The following REEP1 variants were observed in gnomAD, a reference collection of about 807,000 sequenced individuals.
REEP1 encodes receptor expression-enhancing protein 1.
A neutral mutation model predicts 40.3 loss-of-function variants in REEP1; 22 were observed. That is an observed-to-expected ratio of 0.55 (90% CI 0.39 to 0.78). The LOEUF is 0.78. Among genes scored for constraint, REEP1 ranks in the 30% least tolerant of loss-of-function variants. REEP1 has a pLI of 0.00. For missense variants in REEP1, 280 were observed against 361.1 expected (o/e 0.78, Z 1.82); for synonymous variants, 116 against 139.2 (o/e 0.83, Z 1.17).
At chr2:86,217,717 T>C (rs1240797465) in intron 8 of REEP1, among the ~76,000 whole-genome samples, 1 of 147,958 alleles carries the variant, frequency 6.8e-6, no homozygotes, top group East Asian at 2.2e-4. Context: ...TACATTCCAA[T>C]TGAGCACCCC....
chr2:86,221,696 T>C lies in REEP1; in HGVS notation c.632-1575A>G, dbSNP rs1480326083. Among the ~76,000 whole-genome samples, 7 of 152,226 alleles carry C rather than the reference T, an allele frequency of 4.6e-5. No individual in the cohort carries two copies. The East Asian group carries it at 1.4e-3, about 30-fold the overall frequency. On this transcript the variant is annotated intron_variant, in intron 7 of 8. Transcript: ENST00000538924. Reference sequence around the variant, plus strand: ...GGGGCCATGGCTGATCCTCCCTCAGTCTCTCTGAGCACCTGACCCAGGGCT... The same window carrying C: ...GGGGCCATGGCTGATCCTCCCTCAGCCTCTCTGAGCACCTGACCCAGGGCT...
chr2:86,262,894 G>A (rs914864984), intron 3 of REEP1, among the ~76,000 whole-genome samples: 7 of 152,158 alleles, frequency 4.6e-5, no homozygotes, highest in Admixed American at 6.5e-5. Flanking sequence ...AGCTTCTTTC[G>A]CCTAAGAAGG....
intron 1 of REEP1, among the ~76,000 whole-genome samples, chr2:86,313,959 C>T (rs1230325114): frequency 6.6e-6 from 1 of 152,238 alleles, no homozygotes; most frequent in Non-Finnish European, 1.5e-5. Flanking sequence ...TAAAACACCA[C>T]AAGCTAAACA....
intron 1 of REEP1, among the ~76,000 whole-genome samples, chr2:86,314,929 G>C (rs556228927): frequency 6.6e-6 from 1 of 151,876 alleles, no homozygotes; most frequent in Non-Finnish European, 1.5e-5. Flanking sequence ...CTGAACTCAA[G>C]CTATCCACTC....
At chr2:86,239,602 C>T (rs949512732) in intron 5 of REEP1, among the ~76,000 whole-genome samples, 6 of 152,282 alleles carry the variant, frequency 3.9e-5, no homozygotes, top group East Asian at 1.9e-4. Flanking sequence ...GCCATACATG[C>T]GCCACATCCA....
At chr2:86,220,718 T>G (rs976686888) in intron 7 of REEP1, among the ~76,000 whole-genome samples, 22 of 139,184 alleles carry the variant, frequency 1.6e-4, no homozygotes, top group Non-Finnish European at 3.1e-4. Context: ...TTTTTTTTTT[T>G]GCGAAGGCCC....
chr2:86,258,557 C>T (rs1676691521), intron 3 of REEP1, among the ~76,000 whole-genome samples: 1 of 152,122 alleles, frequency 6.6e-6, no homozygotes, highest in South Asian at 2.1e-4. Flanking sequence ...GTCCTGCTGC[C>T]TCTGGAATCA....
chr2:86,278,579 AT>A (rs975864323), intron 2 of REEP1, among the ~76,000 whole-genome samples: 1 of 152,012 alleles, frequency 6.6e-6, no homozygotes, highest in African/African-American at 2.4e-5. Flanking sequence ...TGTATTGGTT[AT>A]TTTTTTTCCA....
At chr2:86,240,598 G>A (rs773304773) in intron 5 of REEP1, among the ~76,000 whole-genome samples, 1 of 152,220 alleles carries the variant, frequency 6.6e-6, no homozygotes, top group Non-Finnish European at 1.5e-5. Context: ...CTGGGGAGAA[G>A]AGGCTTTGGT....
intron 1 of REEP1, among the ~76,000 whole-genome samples, chr2:86,306,185 A>G (rs1573020807): frequency 6.6e-6 from 1 of 152,186 alleles, no homozygotes; most frequent in Admixed American, 6.5e-5. Context: ...ACATCTTGCA[A>G]TCCAGCCCAT....
chr2:86,251,656 T>C, intron 5 of REEP1: 1 of 429,210 alleles, frequency 2.3e-6, no homozygotes. Context: ...AGAAATTCTA[T>C]TATTTTCTTG....
rs1269354088 is a variant in REEP1 at position 86,254,742 on chromosome 2, G to A, written c.255C>T (p.Ser85=). Residue 85 remains serine (S), a synonymous_variant, in exon 4 of 9, where the codon AGC becomes AGT. Transcript: ENST00000538924. ...WLLSPYTKGS[S]LLYRKFVHPT... ...GATGTACAAACTTCCTGTACAGGAG[G>A]CTGGAGCCTTTTGTGTAGGGAGACA... 4 of 1,613,758 alleles carry A rather than the reference G, an allele frequency of 2.5e-6. No individual in the cohort carries two copies. The highest frequency in any genetic ancestry group is 3.4e-6 in the Non-Finnish European group (4 of 1,179,610).
rs150366809 is a variant in REEP1 at position 86,263,391 on chromosome 2, G to A, written c.182+574C>T. Reference sequence around the variant, plus strand: ...ACTACAGGTGTGCACCACCATGCCCGGCTAATTATTTTTTTGTATTTTTTT... The same window carrying A: ...ACTACAGGTGTGCACCACCATGCCCAGCTAATTATTTTTTTGTATTTTTTT... On this transcript the variant is annotated intron_variant, in intron 3 of 8. Transcript: ENST00000538924. 5.1e-3 allele frequency among the ~76,000 whole-genome samples: 779 copies of A among 151,898 alleles called. 3 individuals carry two copies. Among genetic ancestry groups the A allele is most frequent in the Non-Finnish European group, 9.1e-3 (617 of 67,994 alleles).
rs863224189 is a variant in REEP1, at chr2:86,337,501, A to C, written c.10T>G (p.Trp4Gly). 4.6e-6 allele frequency: 6 copies of C among 1,297,818 alleles called. No individual in the cohort carries two copies. The highest frequency in any genetic ancestry group is 1.5e-5 in the African/African-American group (1 of 64,522). The allele number at this position is 1,297,818 out of a possible 1,614,324, so 80.4% of individuals were successfully genotyped here. Residue 4 changes from tryptophan (W) to glycine (G), a missense_variant, in exon 1 of 9, where the codon TGG becomes GGG. This residue lies in a region of REEP1 where 68 missense variants were observed against 83.7 expected (regional missense o/e 0.81). Coordinates refer to ENST00000538924, the MANE Select transcript of REEP1 (RefSeq NM_001371279.1). This position sits in a 1 kb window ranked among gnomAD's most constrained non-coding sequence, Gnocchi z 5.8. MVS[W>G]IISRLVVLIF... Reference sequence around the variant, plus strand: ...TACACCACCAGCCTGGAGATGATCCATGACACCATGGCGGGCAGGCGGGCG... The same window carrying C: ...TACACCACCAGCCTGGAGATGATCCCTGACACCATGGCGGGCAGGCGGGCG...
At chr2:86,246,124 A>G (rs1675941579) in intron 5 of REEP1, among the ~76,000 whole-genome samples, 2 of 152,244 alleles carry the variant, frequency 1.3e-5, no homozygotes, top group Non-Finnish European at 2.9e-5. Flanking sequence ...TGGATACCAT[A>G]TTAGACAGGG....
intron 1 of REEP1, among the ~76,000 whole-genome samples, chr2:86,336,440 C>T (rs150424699): frequency 1.3e-4 from 20 of 152,194 alleles, no homozygotes; most frequent in African/African-American, 4.3e-4. Context: ...GGTCCAGAGC[C>T]CCGTGTTCTC....
chr2:86,244,715 G>A (rs1675838650), intron 5 of REEP1, among the ~76,000 whole-genome samples: 1 of 152,244 alleles, frequency 6.6e-6, no homozygotes, highest in Non-Finnish European at 1.5e-5. Flanking sequence ...CAGAGCAACT[G>A]TGGGCAAAGG....
At chr2:86,320,403 G>C (rs1680224683) in intron 1 of REEP1, among the ~76,000 whole-genome samples, 1 of 152,102 alleles carries the variant, frequency 6.6e-6, no homozygotes, top group Non-Finnish European at 1.5e-5. Flanking sequence ...ATTCACCTTT[G>C]ACCCAGGCCT....
At chr2:86,245,332 C>A (rs149776574) in intron 5 of REEP1, among the ~76,000 whole-genome samples, 1 of 152,110 alleles carries the variant, frequency 6.6e-6, no homozygotes, top group African/African-American at 2.4e-5. Context: ...ATGCTCAGAG[C>A]GAGACCTGCT....
Sources: gnomAD v4.1 joint callset for allele counts (sites outside exome capture counted in the v4.1 genomes callset) on GRCh38, gnomAD v4.1.1 for gene constraint, gnomAD v4.1.1 regional missense constraint, Gnocchi (gnomAD v3.1) non-coding constraint, MANE v1.5 for transcripts, NCBI Gene and HGNC (gene_info 2026-07-23, HGNC 2026-07-21) for gene names.